The following PIK3CB variants were observed in gnomAD, a reference collection of about 807,000 sequenced individuals.
The protein encoded by PIK3CB is phosphatidylinositol 4,5-bisphosphate 3-kinase catalytic subunit beta isoform.
In PIK3CB, 39 loss-of-function variants were observed where a neutral mutation model predicts 136.8. The ratio of observed to expected loss-of-function variants is 0.29; its 90% CI spans 0.22 to 0.37. The LOEUF (loss-of-function observed/expected upper bound fraction) is 0.37, where lower values mean the gene tolerates loss of function less well. PIK3CB is among the 10% of genes least tolerant of loss of function. The pLI is 1.00. For missense variants in PIK3CB, 868 were observed against 1,275.4 expected (o/e 0.68, Z 4.87); for synonymous variants, 428 against 436.6 (o/e 0.98, Z 0.25).
At chr3:138,828,162 C>A (rs1054336325) in intron 1 of PIK3CB, among the ~76,000 whole-genome samples, 4 of 149,658 alleles carry the variant, frequency 2.7e-5, no homozygotes, top group African/African-American at 9.8e-5. Flanking sequence ...TACATTTATT[C>A]ATTCAACAGT....
chr3:138,687,756 C>A (rs763416239), intron 16 of PIK3CB, among the ~76,000 whole-genome samples: 2 of 152,158 alleles, frequency 1.3e-5, no homozygotes, highest in Non-Finnish European at 2.9e-5. Context: ...CATCTGGCCA[C>A]AGTCTACATT....
intron 1 of PIK3CB, among the ~76,000 whole-genome samples, chr3:138,829,232 C>T (rs1366789960): frequency 2.0e-5 from 3 of 151,876 alleles, no homozygotes; most frequent in African/African-American, 7.3e-5. Context: ...CCCTGAGCAA[C>T]ATAGCAAGAT....
chr3:138,658,869 A>C (rs889612507), intron 21 of PIK3CB, among the ~76,000 whole-genome samples: 1 of 152,234 alleles, frequency 6.6e-6, no homozygotes, highest in African/African-American at 2.4e-5. Flanking sequence ...AACAACAACA[A>C]ATCTACAAAT....
intron 11 of PIK3CB, among the ~76,000 whole-genome samples, chr3:138,705,181 CAAAACAAACAAA>C (rs2044347260): frequency 1.7e-5 from 1 of 58,528 alleles, no homozygotes; most frequent in Non-Finnish European, 2.9e-5. Flanking sequence ...AAACAAAAAA[CAAAACAAACAAA>C]AAAAAAAACT....
chr3:138,832,783 T>C (rs1576440200), intron 1 of PIK3CB, among the ~76,000 whole-genome samples: 1 of 130,756 alleles, frequency 7.6e-6, no homozygotes, highest in Admixed American at 8.3e-5. Flanking sequence ...GAGCTGGAGA[T>C]CGCGTCATTG....
At chr3:138,734,099 GTAAC>G (rs746019000) in intron 7 of PIK3CB, among the ~76,000 whole-genome samples, 28 of 152,116 alleles carry the variant, frequency 1.8e-4, no homozygotes, top group South Asian at 1.0e-3. Flanking sequence ...TGACGACTGA[GTAAC>G]TGACTAAAAA....
chr3:138,686,795 G>C (rs868139459), intron 16 of PIK3CB, among the ~76,000 whole-genome samples: 38 of 152,158 alleles, frequency 2.5e-4, no homozygotes, highest in African/African-American at 8.7e-4. Flanking sequence ...CAAGCATGCA[G>C]TTTCCACAGA....
chr3:138,663,538 T>C (rs1427903384), intron 21 of PIK3CB, among the ~76,000 whole-genome samples: 2 of 151,974 alleles, frequency 1.3e-5, no homozygotes, highest in East Asian at 1.9e-4. Context: ...CCTGCCACCA[T>C]GCCTGGCTAA....
At chr3:138,668,012 G>A (rs1480818984) in intron 19 of PIK3CB, among the ~76,000 whole-genome samples, 6 of 151,810 alleles carry the variant, frequency 4.0e-5, no homozygotes, top group South Asian at 2.1e-4. Flanking sequence ...AGGTTACAGC[G>A]AGCTGAGATT....
intron 1 of PIK3CB, among the ~76,000 whole-genome samples, chr3:138,828,416 A>T (rs2108926640): frequency 6.6e-6 from 1 of 151,748 alleles, no homozygotes; most frequent in East Asian, 2.0e-4. Flanking sequence ...CGATCTCCTG[A>T]CCTTGTGATC....
intron 4 of PIK3CB, among the ~76,000 whole-genome samples, chr3:138,747,939 G>GT (rs1262579113): frequency 1.3e-5 from 2 of 151,960 alleles, no homozygotes; most frequent in Non-Finnish European, 2.9e-5. Flanking sequence ...GATTATTCCA[G>GT]TAAATAATTT....
chr3:138,834,622 G>A (rs943055133), intron 1 of PIK3CB, 73 bp downstream of exon 1: 5 of 153,140 alleles, frequency 3.3e-5, no homozygotes, highest in African/African-American at 7.2e-5. Flanking sequence ...CACGCCCGGG[G>A]GCACCGCAGC....
chr3:138,723,411 C>T (rs1428555801), intron 8 of PIK3CB, among the ~76,000 whole-genome samples: 3 of 151,836 alleles, frequency 2.0e-5, no homozygotes, highest in South Asian at 2.1e-4. Context: ...AATAGCCGGG[C>T]GTGGTGGTGT....
rs901739648 is a variant in PIK3CB at position 138,653,799 on chromosome 3, C to G, written c.*1590G>C. The G allele has an allele frequency of 6.1e-5, 12 of 196,716 alleles. No individual in the cohort carries two copies. Among genetic ancestry groups the G allele is most frequent in the African/African-American group, 2.8e-4 (12 of 43,220 alleles). The allele number at this position is 196,716 out of a possible 1,614,324, so 12.2% of individuals were successfully genotyped here. A position where few individuals can be genotyped will look rare whatever the true frequency, so the allele number is the denominator to read the frequency against. On this transcript the variant is annotated 3_prime_UTR_variant, in exon 24 of 24. Coordinates refer to ENST00000674063, the MANE Select transcript of PIK3CB (RefSeq NM_006219.3). Reference sequence around the variant, plus strand: ...TAACTACCCAGACTTCAGGACACCTCCCATATGCATGGCTCCTTACCTCAG... The same window carrying G: ...TAACTACCCAGACTTCAGGACACCTGCCATATGCATGGCTCCTTACCTCAG...
chr3:138,804,570 G>A (rs2046210827), intron 1 of PIK3CB, among the ~76,000 whole-genome samples: 1 of 152,148 alleles, frequency 6.6e-6, no homozygotes, highest in Non-Finnish European at 1.5e-5. Context: ...AGGACACAAT[G>A]ATGTTTTCAT....
chr3:138,812,019 A>C (rs1366827212), intron 1 of PIK3CB, among the ~76,000 whole-genome samples: 1 of 151,976 alleles, frequency 6.6e-6, no homozygotes, highest in Non-Finnish European at 1.5e-5. Context: ...TGAGCTCAAG[A>C]GTTTGAGGCT....
intron 2 of PIK3CB, among the ~76,000 whole-genome samples, chr3:138,785,288 C>G (rs2045968617): frequency 6.6e-6 from 1 of 152,124 alleles, no homozygotes; most frequent in Non-Finnish European, 1.5e-5. Flanking sequence ...GGGGGGGCGC[C>G]TCTGCCAGGC....
intron 19 of PIK3CB, among the ~76,000 whole-genome samples, chr3:138,671,334 A>G (rs1156973580): frequency 6.6e-6 from 1 of 152,230 alleles, no homozygotes; most frequent in African/African-American, 2.4e-5. Flanking sequence ...ATAACAGACT[A>G]TAACTGAAAC....
chr3:138,743,581 G>A (rs2045287655), intron 4 of PIK3CB, among the ~76,000 whole-genome samples: 1 of 151,584 alleles, frequency 6.6e-6, no homozygotes. Context: ...TTCATTCACT[G>A]AGACAGAATC....
Sources: allele counts gnomAD v4.1 joint callset (sites outside exome capture counted in the v4.1 genomes callset), GRCh38; gene constraint gnomAD v4.1.1; transcripts MANE v1.5; gene names NCBI Gene and HGNC (gene_info 2026-07-23, HGNC 2026-07-21).